The following PRKAG2 variants were observed in gnomAD, a reference collection of about 807,000 sequenced individuals.
PRKAG2 encodes the protein protein kinase AMP-activated non-catalytic subunit gamma 2, also known as 5'-AMP-activated protein kinase subunit gamma-2.
Under a neutral mutation model 69.6 loss-of-function variants are expected in PRKAG2, and 26 were observed. The ratio of observed to expected loss-of-function variants is 0.37; its 90% CI spans 0.27 to 0.52. PRKAG2 has a LOEUF of 0.52. PRKAG2 is among the 20% of genes least tolerant of loss of function. The probability of loss-of-function intolerance (pLI) is 0.90; values close to 1 mark genes in which losing one functional copy is unlikely to be tolerated. For synonymous variants in PRKAG2, 293 were observed against 285.0 expected (o/e 1.03, Z -0.28); for missense variants, 557 against 740.0 (o/e 0.75, Z 2.87).
intron 3 of PRKAG2, chr7:151,736,013 A>T: frequency 6.5e-7 from 1 of 1,536,132 alleles, no homozygotes; most frequent in Non-Finnish European, 8.7e-7. Flanking sequence ...TGGCCACAGG[A>T]GTGGCGACAG....
chr7:151,669,909 T>TGCATGCACAC (rs1285004973), intron 4 of PRKAG2, among the ~76,000 whole-genome samples: 13 of 131,392 alleles, frequency 9.9e-5, no homozygotes, highest in African/African-American at 3.8e-4. Context: ...TGCATGCACA[T>TGCATGCACAC]ACCTGCATGC....
intron 6 of PRKAG2, among the ~76,000 whole-genome samples, chr7:151,581,532 A>T (rs2151069352): frequency 6.7e-6 from 1 of 150,022 alleles, no homozygotes; most frequent in African/African-American, 2.5e-5. Flanking sequence ...GACATAAATG[A>T]CTGAGCACAG....
rs185813161 is a variant in PRKAG2 at position 151,693,113 on chromosome 7, C to T, written c.467-17476G>A. 2.3e-4 allele frequency among the ~76,000 whole-genome samples: 35 copies of T among 152,332 alleles called. No individual in the cohort carries two copies. In the East Asian group the frequency reaches 6.4e-3, roughly 28 times the overall value. ...CCTTCCACCAGACTCAGTCACCCGG[C>T]GCTCCTGAGGACAGGGGTCTTTGGT... On this transcript the variant is annotated intron_variant, in intron 3 of 15. Coordinates refer to ENST00000287878, the MANE Select transcript of PRKAG2 (RefSeq NM_016203.4).
chr7:151,779,583 C>A (rs1190115155), intron 3 of PRKAG2, among the ~76,000 whole-genome samples: 1 of 152,242 alleles, frequency 6.6e-6, no homozygotes, highest in African/African-American at 2.4e-5. Flanking sequence ...CTGCTCTCCG[C>A]CCCGCTCAGA....
chr7:151,786,440 T>C (rs1163793108), intron 2 of PRKAG2, 30 bp downstream of exon 2: 6 of 1,585,872 alleles, frequency 3.8e-6, no homozygotes, highest in Non-Finnish European at 5.2e-6. Context: ...TCAAGTGAGC[T>C]GTGAGAAACT....
At chr7:151,870,802 G>A (rs566553659) in intron 1 of PRKAG2, among the ~76,000 whole-genome samples, 100 of 152,362 alleles carry the variant, frequency 6.6e-4, no homozygotes, top group African/African-American at 2.1e-3. Context: ...GAGGCCACGC[G>A]GCGGGGGGAG....
chr7:151,776,347 G>T (rs1263118754), intron 3 of PRKAG2, among the ~76,000 whole-genome samples: 1 of 152,174 alleles, frequency 6.6e-6, no homozygotes, highest in African/African-American at 2.4e-5. Context: ...TGGTGTAACC[G>T]GGCTGTAACA....
chr7:151,588,166 C>T (rs1052948338), intron 6 of PRKAG2, among the ~76,000 whole-genome samples: 1 of 152,084 alleles, frequency 6.6e-6, no homozygotes, highest in Non-Finnish European at 1.5e-5. Flanking sequence ...TTTTGGGCCT[C>T]TCATAATTCT....
chr7:151,805,642 G>A lies in PRKAG2; in HGVS notation c.115-19101C>T, dbSNP rs761067527. Among the ~76,000 whole-genome samples the A allele has an allele frequency of 7.7e-4, 118 of 152,318 alleles. 1 individual carries two copies. The highest frequency in any genetic ancestry group is 1.4e-3 in the Non-Finnish European group (97 of 68,026). ...TATAGAAGTATAGAACCACATATGAGTTAACAAAGACATGGCTGTGATGCC... is the reference window on the plus strand; with the variant it reads ...TATAGAAGTATAGAACCACATATGAATTAACAAAGACATGGCTGTGATGCC... On this transcript the variant is annotated intron_variant, in intron 1 of 15. Transcript: ENST00000287878.
At chr7:151,724,731 C>A (rs1484793677) in intron 3 of PRKAG2, among the ~76,000 whole-genome samples, 1 of 152,230 alleles carries the variant, frequency 6.6e-6, no homozygotes, top group East Asian at 1.9e-4. Flanking sequence ...GCTTGCCCGC[C>A]CCACAAGTGC....
intron 5 of PRKAG2, among the ~76,000 whole-genome samples, chr7:151,621,098 T>G (rs1304289757): frequency 6.6e-6 from 1 of 152,258 alleles, no homozygotes; most frequent in African/African-American, 2.4e-5. Flanking sequence ...CTTTTAATCC[T>G]GCATAGCTAG....
rs183807212 is a variant in PRKAG2 at position 151,710,697 on chromosome 7, A to C, written c.467-35060T>G. Among the ~76,000 whole-genome samples the C allele has an allele frequency of 2.6e-5, 4 of 152,218 alleles. No homozygotes were observed. The East Asian group carries it at 7.7e-4, about 29-fold the overall frequency. On this transcript the variant is annotated intron_variant, in intron 3 of 15. Transcript: ENST00000287878. ...ATTTGCCACATGCTCATTCAGCTTC[A>C]TTTTTCTCTCTTCACTTGTCACTAT...
Position 151,732,486 on chromosome 7 carries a change from T to C in PRKAG2, c.466+48666A>G, listed in dbSNP as rs774510784. Reference sequence around the variant, plus strand: ...AACTGTATGAAGGAGAGGGCGTTGCTGAGAGGGAATTTAAAACACAAAACC... The same window carrying C: ...AACTGTATGAAGGAGAGGGCGTTGCCGAGAGGGAATTTAAAACACAAAACC... On this transcript the variant is annotated intron_variant, in intron 3 of 15. Transcript: ENST00000287878. Among the ~76,000 whole-genome samples the C allele has an allele frequency of 6.6e-5, 10 of 152,208 alleles. 1 individual carries two copies. Among genetic ancestry groups the C allele is most frequent in the Middle Eastern group, 6.8e-3 (2 of 294 alleles).
chr7:151,815,331 G>T (rs559595279), intron 1 of PRKAG2, among the ~76,000 whole-genome samples: 2 of 152,128 alleles, frequency 1.3e-5, no homozygotes, highest in African/African-American at 2.4e-5. Context: ...CCCTCCCAGG[G>T]CTGGGCAATT....
intron 1 of PRKAG2, among the ~76,000 whole-genome samples, chr7:151,873,930 TA>T (rs1345785715): frequency 6.6e-6 from 1 of 152,016 alleles, no homozygotes; most frequent in African/African-American, 2.4e-5. Context: ...TCTCTCTATA[TA>T]TTTTTTTAAA....
At chr7:151,856,262 G>A (rs2079772592) in intron 1 of PRKAG2, among the ~76,000 whole-genome samples, 1 of 152,220 alleles carries the variant, frequency 6.6e-6, no homozygotes, top group Admixed American at 6.5e-5. Flanking sequence ...CACAGCCAAT[G>A]AGAGGTGTGG....
intron 1 of PRKAG2, among the ~76,000 whole-genome samples, chr7:151,858,006 T>G (rs1021480654): frequency 6.6e-5 from 10 of 152,222 alleles, no homozygotes; most frequent in Non-Finnish European, 2.9e-5. Flanking sequence ...GAAGCGCTCC[T>G]TTCCCCCACT....
intron 3 of PRKAG2, 54 bp from the exon 4 acceptor site, chr7:151,675,691 CGGGGGTGGTCAG>C (rs1832811834): frequency 1.3e-6 from 2 of 1,521,596 alleles, no homozygotes; most frequent in Admixed American, 1.7e-5. Flanking sequence ...GAAGGGACGT[CGGGGGTGGTCAG>C]AGGTCTGGTC....
chr7:151,764,227 G>C (rs2075604210), intron 3 of PRKAG2, among the ~76,000 whole-genome samples: 1 of 152,158 alleles, frequency 6.6e-6, no homozygotes, highest in African/African-American at 2.4e-5. Context: ...CAGCCGCTTT[G>C]ACAGATCTGC....
Sources: allele counts gnomAD v4.1 joint callset (sites outside exome capture counted in the v4.1 genomes callset), GRCh38; gene constraint gnomAD v4.1.1; transcripts MANE v1.5; gene names NCBI Gene and HGNC (gene_info 2026-07-23, HGNC 2026-07-21).